The following GRIN3A variants were observed in gnomAD, a reference collection of about 807,000 sequenced individuals.
GRIN3A encodes glutamate receptor ionotropic, NMDA 3A.
Under a neutral mutation model 92.4 loss-of-function variants are expected in GRIN3A, and 47 were observed. The ratio of observed to expected loss-of-function variants is 0.51; its 90% CI spans 0.40 to 0.65. GRIN3A has a LOEUF of 0.65. Among genes scored for constraint, GRIN3A ranks in the 30% least tolerant of loss-of-function variants. The pLI, the probability that GRIN3A is intolerant of heterozygous loss-of-function variation, is 0.00. For synonymous variants in GRIN3A, 527 were observed against 540.6 expected, an observed-to-expected ratio of 0.97 and a Z score of 0.35; for missense variants, 1,324 against 1,393.1, an observed-to-expected ratio of 0.95 and a Z score of 0.79.
At chr9:101,613,328 G>A in intron 6 of GRIN3A, 48 bp downstream of exon 6, 1 of 1,592,652 alleles carries the variant, frequency 6.3e-7, no homozygotes, top group East Asian at 2.2e-5. Context: ...TATGTTCTCT[G>A]AGGTACAGCT....
chr9:101,590,434 T>C lies in GRIN3A; in HGVS notation c.2767-11074A>G, dbSNP rs549479599. On this transcript the variant is annotated intron_variant, in intron 6 of 8. Coordinates refer to ENST00000361820, the MANE Select transcript of GRIN3A (RefSeq NM_133445.3). ...TCTCGCTCTGTCACCCAGGCTGGAG[T>C]GCAGTGGTGTGATCTCAGCTCACTG... 1.1e-3 allele frequency among the ~76,000 whole-genome samples: 173 copies of C among 151,988 alleles called. 1 individual carries two copies. The highest frequency in any genetic ancestry group is 4.1e-3 in the African/African-American group (168 of 41,414).
chr9:101,622,595 A>T (rs886665274), intron 5 of GRIN3A, among the ~76,000 whole-genome samples: 7 of 152,222 alleles, frequency 4.6e-5, no homozygotes, highest in African/African-American at 1.4e-4. Flanking sequence ...CCAAACAAGG[A>T]TCCCAAGGTT....
chr9:101,610,957 G>A (rs1277517744), intron 6 of GRIN3A, among the ~76,000 whole-genome samples: 3 of 152,030 alleles, frequency 2.0e-5, no homozygotes, highest in East Asian at 1.9e-4. Flanking sequence ...AATTAGCCAC[G>A]TGTGGTAGTG....
intron 1 of GRIN3A, among the ~76,000 whole-genome samples, chr9:101,716,661 G>A (rs1829951992): frequency 6.6e-6 from 1 of 152,088 alleles, no homozygotes; most frequent in South Asian, 2.1e-4. Flanking sequence ...ATGATTACAG[G>A]CCTATCCTAT....
At chr9:101,601,372 G>T (rs1350130206) in intron 6 of GRIN3A, among the ~76,000 whole-genome samples, 3 of 152,166 alleles carry the variant, frequency 2.0e-5, no homozygotes, top group Non-Finnish European at 4.4e-5. Context: ...TGGCATTATG[G>T]GTAGATTGAA....
At chr9:101,573,539 T>C in intron 8 of GRIN3A, 26 bp from the exon 9 acceptor site, 2 of 1,564,842 alleles carry the variant, frequency 1.3e-6, no homozygotes, top group Non-Finnish European at 1.8e-6. Flanking sequence ...ATTTTAGATT[T>C]ACTTTCCATT....
chr9:101,732,142 A>G (rs1420633666), intron 1 of GRIN3A, among the ~76,000 whole-genome samples: 3 of 152,226 alleles, frequency 2.0e-5, no homozygotes, highest in Non-Finnish European at 4.4e-5. Flanking sequence ...ATCTAGGGCA[A>G]TGGGACTCAA....
chr9:101,579,338 T>G lies in GRIN3A; in HGVS notation c.2789A>C (p.His930Pro), dbSNP rs751460723. 1 of 1,613,798 alleles carries G rather than the reference T, an allele frequency of 6.2e-7. No homozygotes were observed. Among genetic ancestry groups the G allele is most frequent in the Non-Finnish European group, 8.5e-7 (1 of 1,179,866 alleles). The change falls in exon 7 of 9, where the codon CAC (histidine) becomes CCC (proline). Residue 930 changes from histidine (H) to proline (P), a missense_variant. Coordinates refer to ENST00000361820, the MANE Select transcript of GRIN3A (RefSeq NM_133445.3). ...VTETLQMGIK[H>P]FSGLFVLLCI... ...CAGCAGCACAAAGAGCCCAGAGAAG[T>G]GTTTGATGCCCATTTGCAAAGTCTG...
chr9:101,663,631 C>T (rs10760800), intron 3 of GRIN3A, among the ~76,000 whole-genome samples: 51,110 of 151,514 alleles, frequency 0.34, 9,493 homozygotes, highest in Non-Finnish European at 0.42. Flanking sequence ...TCAATAAAGG[C>T]GTTTTTTCTT....
intron 3 of GRIN3A, among the ~76,000 whole-genome samples, chr9:101,667,497 C>T (rs969611593): frequency 6.6e-6 from 1 of 151,938 alleles, no homozygotes; most frequent in Non-Finnish European, 1.5e-5. Flanking sequence ...GTATTTGTAA[C>T]CTTCTAAGTT....
intron 6 of GRIN3A, among the ~76,000 whole-genome samples, chr9:101,585,409 G>C (rs1307626250): frequency 6.6e-6 from 1 of 152,094 alleles, no homozygotes; most frequent in Admixed American, 6.5e-5. Flanking sequence ...TGACTCCCAA[G>C]AGTTGGGGGC....
intron 5 of GRIN3A, among the ~76,000 whole-genome samples, chr9:101,616,266 AACAGCATTC>A (rs1828452509): frequency 6.6e-6 from 1 of 152,218 alleles, no homozygotes. Context: ...TTGAATTGGC[AACAGCATTC>A]ATTATGTTTC....
Position 101,738,259 on chromosome 9 carries a change from A to G in GRIN3A, c.-280T>C, listed in dbSNP as rs937777548. ...GGGCGGGCCGGCGCCTGTCACCCGC[A>G]GCTGGAGCGCCCGTTCCCTGCCCGC... On this transcript the variant is annotated 5_prime_UTR_variant, in exon 1 of 9. Coordinates refer to ENST00000361820, the MANE Select transcript of GRIN3A (RefSeq NM_133445.3). 4.1e-6 allele frequency: 2 copies of G among 488,298 alleles called. No individual in the cohort carries two copies. Among genetic ancestry groups the G allele is most frequent in the Non-Finnish European group, 7.3e-6 (2 of 272,356 alleles). The allele number at this position is 488,298 out of a possible 1,614,324, so 30.2% of individuals were successfully genotyped here. A position where few individuals can be genotyped will look rare whatever the true frequency, so the allele number is the denominator to read the frequency against.
At chr9:101,576,299 C>T (rs1206481628) in intron 8 of GRIN3A, among the ~76,000 whole-genome samples, 6 of 152,082 alleles carry the variant, frequency 3.9e-5, no homozygotes, top group South Asian at 4.1e-4. Context: ...GGCTATGGTA[C>T]GCCAAACACT....
chr9:101,621,442 T>A (rs1828554452), intron 5 of GRIN3A, among the ~76,000 whole-genome samples: 1 of 152,202 alleles, frequency 6.6e-6, no homozygotes, highest in South Asian at 2.1e-4. Flanking sequence ...TTGTCAGAAG[T>A]AGAATTGAAT....
At chr9:101,590,331 T>C (rs1361532384) in intron 6 of GRIN3A, among the ~76,000 whole-genome samples, 1 of 151,794 alleles carries the variant, frequency 6.6e-6, no homozygotes, top group Non-Finnish European at 1.5e-5. Flanking sequence ...CTTGTTCCTC[T>C]ACCATAATGA....
intron 6 of GRIN3A, among the ~76,000 whole-genome samples, chr9:101,589,253 G>C (rs746930730): frequency 6.6e-6 from 1 of 152,072 alleles, no homozygotes. Flanking sequence ...GATTAAAGAC[G>C]TGAGCCTCTG....
intron 3 of GRIN3A, among the ~76,000 whole-genome samples, chr9:101,648,170 T>C (rs747352249): frequency 2.0e-5 from 3 of 152,046 alleles, no homozygotes; most frequent in Non-Finnish European, 4.4e-5. Context: ...GTCTCCATTT[T>C]TGTTAGTCTC....
intron 6 of GRIN3A, among the ~76,000 whole-genome samples, chr9:101,586,718 T>G (rs1827955228): frequency 6.6e-6 from 1 of 152,252 alleles, no homozygotes; most frequent in Non-Finnish European, 1.5e-5. Context: ...GGAACTGCCC[T>G]CTTCCTGCTT....
Sources: gnomAD v4.1 joint callset for allele counts (sites outside exome capture counted in the v4.1 genomes callset) on GRCh38, gnomAD v4.1.1 for gene constraint, MANE v1.5 for transcripts, NCBI Gene and HGNC (gene_info 2026-07-23, HGNC 2026-07-21) for gene names.